HNRNPA1L2: variants seen among roughly 807,000 people sequenced by gnomAD.
HNRNPA1L2 encodes the protein heterogeneous nuclear ribonucleoprotein A1 like 2.
A neutral mutation model predicts 18.2 loss-of-function variants in HNRNPA1L2; 10 were observed. That is an observed-to-expected ratio of 0.55 (90% CI 0.34 to 0.93). The LOEUF is 0.93. HNRNPA1L2 is among the 40% of genes least tolerant of loss of function. HNRNPA1L2 has a pLI of 0.02. For synonymous variants in HNRNPA1L2, 124 were observed against 138.6 expected (o/e 0.89, Z 0.74); for missense variants, 308 against 394.4 (o/e 0.78, Z 1.85).
upstream of HNRNPA1L2, chr13:52,637,533 G>A (rs747977128): frequency 3.6e-4 from 60 of 166,212 alleles, no homozygotes; most frequent in Admixed American, 1.1e-3. Context: ...ATACTTACAT[G>A]AATTTCAAAA....
the HNRNPA1L2 span, among the ~76,000 whole-genome samples, chr13:52,622,797 G>C: frequency 3.3e-5 from 5 of 151,914 alleles, no homozygotes; most frequent in East Asian, 1.9e-4. Context: ...CTTGTCAAAA[G>C]AGTATTTAAT....
the HNRNPA1L2 span, among the ~76,000 whole-genome samples, chr13:52,633,470 A>G: frequency 6.6e-6 from 1 of 152,130 alleles, no homozygotes; most frequent in Non-Finnish European, 1.5e-5. Flanking sequence ...AAATGAAGAA[A>G]CTCAGTACAA....
chr13:52,642,600 A>G lies in HNRNPA1L2; in HGVS notation c.108A>G (p.Gln36=). The change falls in exon 1 of 1, where the codon CAA becomes CAG. Residue 36 remains glutamine (Q), a synonymous_variant. Coordinates refer to ENST00000357495, the MANE Select transcript of HNRNPA1L2 (RefSeq NM_001389320.1). ...AGAGCCTGAGGAGCCATTTTGAGCAATGGGGAACGCTCACAGACTGTGTGG... is the reference window on the plus strand; with the variant it reads ...AGAGCCTGAGGAGCCATTTTGAGCAGTGGGGAACGCTCACAGACTGTGTGG... ...TDESLRSHFE[Q]WGTLTDCVVM... The G allele has an allele frequency of 6.2e-7, 1 of 1,611,906 alleles. No homozygotes were observed. The highest frequency in any genetic ancestry group is 8.5e-7 in the Non-Finnish European group (1 of 1,179,838).
the HNRNPA1L2 span, among the ~76,000 whole-genome samples, chr13:52,618,114 G>T: frequency 1.3e-5 from 2 of 152,238 alleles, no homozygotes; most frequent in Non-Finnish European, 2.9e-5. Context: ...ATCACGGAGC[G>T]TGTAGTTCCA....
chr13:52,627,158 A>C, the HNRNPA1L2 span, among the ~76,000 whole-genome samples: 2 of 152,206 alleles, frequency 1.3e-5, no homozygotes, highest in Non-Finnish European at 2.9e-5. Flanking sequence ...TTTGAAATAC[A>C]ATAGCATCTA....
chr13:52,643,278 T>C lies in HNRNPA1L2; in HGVS notation c.786T>C (p.Asp262=), dbSNP rs1180632305. ...TTGGAGGTGGTGGAAGCTACAATGA[T>C]TTTGGCAATTACAACAATCAGTCTT... ...SNFGGGGSYN[D]FGNYNNQSSN... The change falls in exon 1 of 1, where the codon GAT becomes GAC. Residue 262 remains aspartate, a synonymous_variant. Transcript: ENST00000357495. The C allele has an allele frequency of 6.3e-7, 1 of 1,592,986 alleles. No individual in the cohort carries two copies. The highest frequency in any genetic ancestry group is 8.5e-7 in the Non-Finnish European group (1 of 1,175,864).
rs1371758148 is a variant in HNRNPA1L2 at position 52,643,026 on chromosome 13, A to G, written c.534A>G (p.Arg178=). Residue 178 remains arginine, a synonymous_variant, in exon 1 of 1, where the codon AGA becomes AGG. Transcript: ENST00000357495. ...HTVKGHNCEV[R]KALPKQEMAS... is the part of the protein sequence containing the mutation. Reference sequence around the variant, plus strand: ...TGAAGGGCCACAACTGTGAAGTTAGAAAAGCCCTGCCAAAGCAAGAGATGG... The same window carrying G: ...TGAAGGGCCACAACTGTGAAGTTAGGAAAGCCCTGCCAAAGCAAGAGATGG... The G allele has an allele frequency of 6.3e-7, 1 of 1,597,554 alleles. No individual in the cohort carries two copies. Among genetic ancestry groups the G allele is most frequent in the Admixed American group, 1.7e-5 (1 of 60,002 alleles).
the HNRNPA1L2 span, among the ~76,000 whole-genome samples, chr13:52,625,830 T>G: frequency 6.6e-6 from 1 of 152,106 alleles, no homozygotes; most frequent in Non-Finnish European, 1.5e-5. Context: ...CATTCTGGAG[T>G]GTGGTGGAAC....
the HNRNPA1L2 span, among the ~76,000 whole-genome samples, chr13:52,636,067 C>T: frequency 7.2e-5 from 11 of 152,178 alleles, no homozygotes; most frequent in South Asian, 2.3e-3. Flanking sequence ...GAACTCCTGA[C>T]CTCGTGATCT....
In HNRNPA1L2 at chr13:52,642,804, G is replaced by A; in HGVS notation, c.312G>A (p.Val104=). 6.3e-7 allele frequency: 1 copy of A among 1,596,484 alleles called. No individual in the cohort carries two copies. Among genetic ancestry groups the A allele is most frequent in the South Asian group, 1.1e-5 (1 of 90,988 alleles). Residue 104 remains valine (V), a synonymous_variant, in exon 1 of 1, where the codon GTG becomes GTA. Transcript: ENST00000357495. ...DSQRPGAHLT[V]KKIFVGGIKE... The stretch of plus-strand genomic sequence containing the variant: ...AAAGACCAGGTGCCCACTTAACTGT[G>A]AAAAAGATATTTGTTGGTGGCATTA...
At chr13:52,628,232 C>T in the HNRNPA1L2 span, among the ~76,000 whole-genome samples, 1 of 152,026 alleles carries the variant, frequency 6.6e-6, no homozygotes, top group Non-Finnish European at 1.5e-5. Flanking sequence ...CACTTGAGGC[C>T]AGGAATTTGA....
At position 52,642,947 on chromosome 13, in the gene HNRNPA1L2, C is replaced by A. The variant is rs1470746881; in HGVS notation, c.455C>A (p.Thr152Asn). Reference sequence around the variant, plus strand: ...AAGAAAAGGGGCTTTGCCTTTGTAACCTTTGACGACCATGACTCCGTGGAT... The same window carrying A: ...AAGAAAAGGGGCTTTGCCTTTGTAAACTTTGACGACCATGACTCCGTGGAT... ...SGKKRGFAFVTFDDHDSVDKI... is the reference protein window; with the variant it reads ...SGKKRGFAFVNFDDHDSVDKI... The change falls in exon 1 of 1, where the codon ACC becomes AAC. Residue 152 changes from threonine (T) to asparagine (N), a missense_variant. Coordinates refer to ENST00000357495, the MANE Select transcript of HNRNPA1L2 (RefSeq NM_001389320.1). 1 of 1,597,134 alleles carries A rather than the reference C, an allele frequency of 6.3e-7. No homozygotes were observed. The highest frequency in any genetic ancestry group is 1.1e-5 in the South Asian group (1 of 90,992).
At chr13:52,623,489 G>A in the HNRNPA1L2 span, among the ~76,000 whole-genome samples, 4 of 152,254 alleles carry the variant, frequency 2.6e-5, no homozygotes, top group South Asian at 4.2e-4. Flanking sequence ...TAAAATATAT[G>A]CCTTAGAACC....
chr13:52,619,564 C>T, the HNRNPA1L2 span, among the ~76,000 whole-genome samples: 100 of 152,108 alleles, frequency 6.6e-4, no homozygotes, highest in East Asian at 0.018. Context: ...CCATCCGCCT[C>T]GGCCTCCCAA....
the HNRNPA1L2 span, among the ~76,000 whole-genome samples, chr13:52,623,486 T>C: frequency 2.6e-5 from 4 of 152,200 alleles, no homozygotes; most frequent in South Asian, 8.3e-4. Flanking sequence ...ATGTAAAATA[T>C]ATGCCTTAGA....
chr13:52,634,507 G>A, the HNRNPA1L2 span, among the ~76,000 whole-genome samples: 1 of 152,158 alleles, frequency 6.6e-6, no homozygotes, highest in African/African-American at 2.4e-5. Context: ...TGAGTCTAAA[G>A]AATGTTTTTT....
the HNRNPA1L2 span, among the ~76,000 whole-genome samples, chr13:52,626,350 G>A: frequency 4.0e-5 from 6 of 150,666 alleles, no homozygotes; most frequent in African/African-American, 1.5e-4. Flanking sequence ...AAGCTACTCA[G>A]GAAGATGATG....
the HNRNPA1L2 span, among the ~76,000 whole-genome samples, chr13:52,620,033 T>G: frequency 6.6e-6 from 1 of 152,170 alleles, no homozygotes; most frequent in East Asian, 1.9e-4. Flanking sequence ...TTGGCAATTG[T>G]TTTTTCATTC....
chr13:52,630,814 A>AAAG, the HNRNPA1L2 span, among the ~76,000 whole-genome samples: 2 of 152,216 alleles, frequency 1.3e-5, no homozygotes, highest in Admixed American at 1.3e-4. Flanking sequence ...TCTGTTACAT[A>AAAG]TTATTGAATA....
Sources: gnomAD v4.1 joint callset for allele counts (sites outside exome capture counted in the v4.1 genomes callset) on GRCh38, gnomAD v4.1.1 for gene constraint, MANE v1.5 for transcripts, NCBI Gene and HGNC (gene_info 2026-07-23, HGNC 2026-07-21) for gene names.